MGAM: variants seen among roughly 807,000 people sequenced by gnomAD.
The protein encoded by MGAM is maltase-glucoamylase.
Under a neutral mutation model 358.8 loss-of-function variants are expected in MGAM, and 253 were observed. The ratio of observed to expected loss-of-function variants is 0.71; its 90% confidence interval spans 0.64 to 0.78. The LOEUF is 0.78. Among genes scored for constraint, MGAM ranks in the 30% least tolerant of loss-of-function variants. The probability of loss-of-function intolerance (pLI) is 0.00; values close to 1 mark genes in which losing one functional copy is unlikely to be tolerated. For synonymous variants in MGAM, 1,105 were observed against 1,227.1 expected, an observed-to-expected ratio of 0.90 and a Z score of 2.08; for missense variants, 3,080 against 3,432.6, an observed-to-expected ratio of 0.90 and a Z score of 2.57.
intron 3 of MGAM, among the ~76,000 whole-genome samples, chr7:142,017,673 G>A (rs545260201): frequency 2.5e-4 from 38 of 152,216 alleles, no homozygotes; most frequent in African/African-American, 7.9e-4. Flanking sequence ...AGACAAAACC[G>A]TGGATTGAGG....
intron 15 of MGAM, 116 bp downstream of exon 15, chr7:142,034,495 A>G (rs1554465055): frequency 1.0e-6 from 1 of 1,002,172 alleles, no homozygotes; most frequent in African/African-American, 1.6e-5. Flanking sequence ...AAAACAAAGC[A>G]AAACAAAACA....
intron 37 of MGAM, among the ~76,000 whole-genome samples, chr7:142,064,960 C>T (rs913560489): frequency 2.0e-5 from 3 of 152,186 alleles, no homozygotes; most frequent in African/African-American, 7.2e-5. Context: ...TGAATTAGCA[C>T]AGTCCTGCTT....
chr7:141,991,459 A>G (rs1325491914), upstream of MGAM, among the ~76,000 whole-genome samples: 1 of 150,534 alleles, frequency 6.6e-6, no homozygotes, highest in Non-Finnish European at 1.5e-5. Context: ...TTTGAGACAG[A>G]ATCTCACTCT....
intron 57 of MGAM, among the ~76,000 whole-genome samples, chr7:142,088,888 A>G (rs1196501850): frequency 7.1e-6 from 1 of 141,358 alleles, no homozygotes; most frequent in East Asian, 2.1e-4. Flanking sequence ...CTCCACCTCT[A>G]TTCATCCACT....
chr7:141,997,201 C>T (rs1554448979), intron 1 of MGAM, among the ~76,000 whole-genome samples: 1 of 152,102 alleles, frequency 6.6e-6, no homozygotes, highest in Admixed American at 6.5e-5. Flanking sequence ...CATGCAGGAT[C>T]TGATCAGTGG....
At chr7:142,001,828 AC>A (rs1554450746) in intron 1 of MGAM, among the ~76,000 whole-genome samples, 1 of 152,176 alleles carries the variant, frequency 6.6e-6, no homozygotes, top group Non-Finnish European at 1.5e-5. Context: ...TCTGTTTCTT[AC>A]CCAGGACCCA....
At position 142,087,140 on chromosome 7, in the gene MGAM, T is replaced by C. The variant is rs553558500; in HGVS notation, c.6810+423T>C. 9.0e-5 allele frequency among the ~76,000 whole-genome samples: 13 copies of C among 144,570 alleles called. No homozygotes were observed. In the South Asian group the frequency reaches 2.2e-3, roughly 25 times the overall value. 94.8% of individuals were successfully genotyped at this position (144,570 alleles called of 152,430 possible). On this transcript the variant is annotated intron_variant, in intron 57 of 70. Coordinates refer to ENST00000475668, the MANE Select transcript of MGAM (RefSeq NM_001365693.1). ...ACAGTCTTCTAACCTCAAAGACTGT[T>C]TAGGTCTTTTTTTGGTGTATCTTTT...
rs1422666434 is a variant in MGAM, at chr7:142,068,925, T to C, written c.5061+222T>C. Among the ~76,000 whole-genome samples, 2 of 146,424 alleles carry C rather than the reference T, an allele frequency of 1.4e-5. 1 individual carries two copies. Among genetic ancestry groups the C allele is most frequent in the Non-Finnish European group, 3.1e-5 (2 of 64,722 alleles). On this transcript the variant is annotated intron_variant, in intron 43 of 70. Coordinates refer to ENST00000475668, the MANE Select transcript of MGAM (RefSeq NM_001365693.1). ...TGAAATAACACATAAAGCATCTCACTCAGGGTCTGTTTTTTTGTGGGTGTT... is the reference window on the plus strand; with the variant it reads ...TGAAATAACACATAAAGCATCTCACCCAGGGTCTGTTTTTTTGTGGGTGTT...
chr7:142,027,071 G>T (rs1807041509), intron 8 of MGAM, 44 bp from the exon 9 acceptor site: 2 of 1,409,962 alleles, frequency 1.4e-6, no homozygotes, highest in Non-Finnish European at 1.0e-6. Context: ...TACTATTCAA[G>T]AATCAATTCT....
intron 31 of MGAM, among the ~76,000 whole-genome samples, 172 bp from the exon 32 acceptor site, chr7:142,059,300 T>G (rs936965127): frequency 7.2e-5 from 11 of 152,166 alleles, no homozygotes; most frequent in African/African-American, 2.7e-4. Context: ...CTGAACATTT[T>G]AAAAATTAAG....
chr7:142,040,500 T>C (rs1052912400), intron 20 of MGAM: 1 of 607,560 alleles, frequency 1.6e-6, no homozygotes, highest in African/African-American at 1.9e-5. Context: ...TTATATAATA[T>C]ATCAAATAGC....
chr7:142,082,185 T>A lies in MGAM; in HGVS notation c.6146T>A (p.Met2049Lys), dbSNP rs776594589. 34 of 1,554,944 alleles carry A rather than the reference T, an allele frequency of 2.2e-5. 8 individuals are homozygous for A. The highest frequency in any genetic ancestry group is 2.9e-5 in the Non-Finnish European group (33 of 1,132,298). Reference protein sequence around the residue: ...RRDLEWHTWGMFSRDQPPGYK... With the variant: ...RRDLEWHTWGKFSRDQPPGYK... ...GACTTGGAGTGGCACACTTGGGGGATGTTCTCCCGAGACCAGCCCCCAGGG... is the reference window on the plus strand; with the variant it reads ...GACTTGGAGTGGCACACTTGGGGGAAGTTCTCCCGAGACCAGCCCCCAGGG... Residue 2049 changes from methionine to lysine, a missense_variant, in exon 51 of 71, where the codon ATG becomes AAG. By Grantham distance (95) the Met-to-Lys change is moderately conservative (BLOSUM62 -1). Around this residue, in one of 5 missense-constraint regions of MGAM, gnomAD observed 932 missense variants for 1,198.2 expected, o/e 0.78. Transcript: ENST00000475668.
At chr7:142,044,166 A>G (rs62650368) in intron 21 of MGAM, among the ~76,000 whole-genome samples, 38,361 of 73,644 alleles carry the variant, frequency 0.52, 12,504 homozygotes, top group African/African-American at 0.63. Flanking sequence ...CGTATAATAT[A>G]TACATTATAT....
rs1378836330 is a variant in MGAM, at chr7:142,055,545, T to C, written c.3315-13T>C. 6.2e-7 allele frequency: 1 copy of C among 1,613,894 alleles called. No homozygotes were observed. Among genetic ancestry groups the C allele is most frequent in the Non-Finnish European group, 8.5e-7 (1 of 1,179,830 alleles). On this transcript the variant is annotated splice_polypyrimidine_tract_variant and intron_variant, in intron 27 of 70. Coordinates refer to ENST00000475668, the MANE Select transcript of MGAM (RefSeq NM_001365693.1). The stretch of plus-strand genomic sequence containing the variant: ...CTCATTTTCTGTTTCAAATCTGCGT[T>C]TTTGTGTTTCAGTTGGGACTCTCAG...
chr7:142,070,175 G>A (rs1478517756), intron 43 of MGAM, among the ~76,000 whole-genome samples: 1 of 137,076 alleles, frequency 7.3e-6, no homozygotes, highest in East Asian at 2.1e-4. Context: ...CCTGGGTGAC[G>A]GAACCAGACT....
At chr7:142,103,237 A>G (rs1308963035) in intron 69 of MGAM, 32 bp from the exon 70 acceptor site, 11 of 1,517,762 alleles carry the variant, frequency 7.2e-6, no homozygotes, top group Middle Eastern at 1.8e-4. Flanking sequence ...TAATTCTGCT[A>G]TTATATTTTT....
In MGAM at chr7:142,021,085, T is replaced by C. The variant is rs372438770; in HGVS notation, c.558+2T>C. ...ACATCTAATCGTTTCCACTTTAAGG[T>C]TGTAATTTGTTTATTTTTTTTTAAG... On this transcript the variant is annotated splice_donor_variant, in intron 5 of 70. Coordinates refer to ENST00000475668, the MANE Select transcript of MGAM (RefSeq NM_001365693.1). LOFTEE classifies it high-confidence loss of function. 2.2e-5 allele frequency: 34 copies of C among 1,580,436 alleles called. No homozygotes were observed. Among genetic ancestry groups the C allele is most frequent in the Admixed American group, 9.5e-5 (5 of 52,472 alleles).
chr7:142,077,072 G>A (rs57610401), intron 47 of MGAM, among the ~76,000 whole-genome samples: 10,547 of 145,518 alleles, frequency 0.072, 1,324 homozygotes, highest in African/African-American at 0.17. Flanking sequence ...TCTCTAGCTG[G>A]TTTCACTTGC....
intron 1 of MGAM, among the ~76,000 whole-genome samples, chr7:142,003,208 GA>G (rs60560353): frequency 6.6e-6 from 1 of 151,982 alleles, no homozygotes. Context: ...CACAGGTTTA[GA>G]AAAAACAATC....
Sources: allele counts gnomAD v4.1 joint callset (sites outside exome capture counted in the v4.1 genomes callset), GRCh38; gene constraint gnomAD v4.1.1; regional missense constraint gnomAD v4.1.1; transcripts MANE v1.5; gene names NCBI Gene and HGNC (gene_info 2026-07-23, HGNC 2026-07-21).